Variants in ZNF225 observed in about 807,000 individuals in gnomAD.
ZNF225 encodes zinc finger protein 225.
A neutral mutation model predicts 12.0 loss-of-function variants in ZNF225; 6 were observed. The ratio of observed to expected loss-of-function variants is 0.50; its 90% CI spans 0.27 to 0.98. ZNF225 has a LOEUF of 0.98. Ranked by LOEUF, ZNF225 falls within the 50% of genes least tolerant of loss-of-function variation. The pLI is 0.11. For synonymous variants in ZNF225, 271 were observed against 283.2 expected, an observed-to-expected ratio of 0.96 and a Z score of 0.43; for missense variants, 763 against 848.2, an observed-to-expected ratio of 0.90 and a Z score of 1.25.
At position 44,134,342 on chromosome 19, in the gene ZNF225, G is replaced by T. The variant is rs1480757618; in HGVS notation, c.*1607G>T. 6.6e-6 allele frequency: 1 copy of T among 152,178 alleles called. No individual in the cohort carries two copies. Among genetic ancestry groups the T allele is most frequent in the Non-Finnish European group, 1.5e-5 (1 of 68,028 alleles). The allele number at this position is 152,178 out of a possible 1,614,324, so 9.4% of individuals were successfully genotyped here. A position where few individuals can be genotyped will look rare whatever the true frequency, so the allele number is the denominator to read the frequency against. Reference sequence around the variant, plus strand: ...TACATATCAAGATTCTAGACTCCAAGAAGGGGAGCAAGTGTTCAGAATAAC... The same window carrying T: ...TACATATCAAGATTCTAGACTCCAATAAGGGGAGCAAGTGTTCAGAATAAC... On this transcript the variant is annotated 3_prime_UTR_variant, in exon 5 of 5. Transcript: ENST00000262894.
At chr19:44,128,897 T>A (rs1459836815) in intron 4 of ZNF225, 2 of 424,548 alleles carry the variant, frequency 4.7e-6, no homozygotes, top group Non-Finnish European at 8.0e-6. Flanking sequence ...ATATTTTTTC[T>A]GCTATCTGTT....
At chr19:44,117,999 A>G (rs1454386111) in intron 2 of ZNF225, among the ~76,000 whole-genome samples, 189 bp from the exon 3 acceptor site, 1 of 152,224 alleles carries the variant, frequency 6.6e-6, no homozygotes, top group Non-Finnish European at 1.5e-5. Context: ...AGCCCGGGCA[A>G]CAGAGCAAGA....
At position 44,131,957 on chromosome 19, in the gene ZNF225, G is replaced by A. The variant is rs749771114; in HGVS notation, c.1343G>A (p.Arg448Lys). 4 of 1,613,888 alleles carry A rather than the reference G, an allele frequency of 2.5e-6. No individual in the cohort carries two copies. In the South Asian group the frequency reaches 3.3e-5, roughly 13 times the overall value. The part of the protein sequence containing the change: ...KRRLDLDFHQ[R>K]VHRGEKPYNC... ...AGGTTGGATCTTGACTTTCATCAGAGGGTCCACAGAGGAGAGAAACCCTAT... is the reference window on the plus strand; with the variant it reads ...AGGTTGGATCTTGACTTTCATCAGAAGGTCCACAGAGGAGAGAAACCCTAT... Residue 448 changes from arginine to lysine, a missense_variant, in exon 5 of 5, where the codon AGG (arginine) becomes AAG (lysine). By Grantham distance (26) the Arg-to-Lys change is conservative. Transcript: ENST00000262894.
rs371799405 is a variant in ZNF225, at chr19:44,118,578, A to G, written c.235+4A>G. ...ACCCAAAGAGAAGGGAATTTAGGTAAGAAGCAAGCAACTCTGTGTCCTTGT... is the reference window on the plus strand; with the variant it reads ...ACCCAAAGAGAAGGGAATTTAGGTAGGAAGCAAGCAACTCTGTGTCCTTGT... On this transcript the variant is annotated splice_donor_region_variant and intron_variant, in intron 4 of 4. Transcript: ENST00000262894. 1.2e-6 allele frequency: 2 copies of G among 1,610,568 alleles called. No homozygotes were observed. Among genetic ancestry groups the G allele is most frequent in the African/African-American group, 2.7e-5 (2 of 74,842 alleles).
At chr19:44,111,765 G>C (rs1319063360), upstream of ZNF225, among the ~76,000 whole-genome samples, 1 of 152,228 alleles carries the variant, frequency 6.6e-6, no homozygotes, top group Non-Finnish European at 1.5e-5. Context: ...TGTTTCCCCA[G>C]GAATGGGATT....
At position 44,132,386 on chromosome 19, in the gene ZNF225, G is replaced by T; in HGVS notation, c.1772G>T (p.Gly591Val). ...SSILNHKRLH[G>V]DEKPFKCEEC... ...ATTTTGAATCATAAGAGACTCCATG[G>T]TGATGAAAAGCCATTCAAATGTGAA... The change falls in exon 5 of 5, where the codon GGT (glycine) becomes GTT (valine). Residue 591 changes from glycine (G) to valine (V), a missense_variant. Transcript: ENST00000262894. 1 of 1,614,008 alleles carries T rather than the reference G, an allele frequency of 6.2e-7. No homozygotes were observed. Among genetic ancestry groups the T allele is most frequent in the Non-Finnish European group, 8.5e-7 (1 of 1,179,992 alleles).
At chr19:44,122,809 G>A (rs964286369) in intron 4 of ZNF225, among the ~76,000 whole-genome samples, 44 of 152,040 alleles carry the variant, frequency 2.9e-4, no homozygotes, top group African/African-American at 1.1e-3. Flanking sequence ...GGTTGCTGGT[G>A]GTGTGTAGAA....
At chr19:44,125,643 G>C (rs1433449719) in intron 4 of ZNF225, among the ~76,000 whole-genome samples, 1 of 152,172 alleles carries the variant, frequency 6.6e-6, no homozygotes, top group African/African-American at 2.4e-5. Context: ...CAAGCTTTTA[G>C]AATTCTCTTC....
intron 4 of ZNF225, chr19:44,128,374 A>G (rs1968188935): frequency 6.6e-6 from 1 of 152,220 alleles, no homozygotes; most frequent in South Asian, 2.1e-4. Flanking sequence ...GGTGAACTTT[A>G]TATCCTGGAA....
chr19:44,129,444 T>C (rs922864845), intron 4 of ZNF225: 1 of 168,702 alleles, frequency 5.9e-6, no homozygotes, highest in Non-Finnish European at 1.3e-5. Context: ...TTTATTGTAC[T>C]CTCCCCATGA....
intron 4 of ZNF225, among the ~76,000 whole-genome samples, chr19:44,124,365 T>C (rs1003891740): frequency 2.6e-5 from 4 of 152,230 alleles, no homozygotes; most frequent in African/African-American, 9.6e-5. Flanking sequence ...TATTCCACTG[T>C]GGTCTGAGAG....
At position 44,132,637 on chromosome 19, in the gene ZNF225, A is replaced by C; in HGVS notation, c.2023A>C (p.Ser675Arg). Residue 675 changes from serine (S) to arginine (R), a missense_variant, in exon 5 of 5, where the codon AGT becomes CGT. Coordinates refer to ENST00000262894, the MANE Select transcript of ZNF225 (RefSeq NM_013362.4). ...CCTTAAAGACCAACAAAGAGACCAAAGTGGAGAGAAAACATCTAAATGTGA... is the reference window on the plus strand; with the variant it reads ...CCTTAAAGACCAACAAAGAGACCAACGTGGAGAGAAAACATCTAAATGTGA... ...SCLKDQQRDQ[S>R]GEKTSKCEDC... 6.2e-7 allele frequency: 1 copy of C among 1,613,926 alleles called. No individual in the cohort carries two copies. Among genetic ancestry groups the C allele is most frequent in the Non-Finnish European group, 8.5e-7 (1 of 1,179,950 alleles).
At chr19:44,117,793 C>T (rs1364658750) in intron 2 of ZNF225, among the ~76,000 whole-genome samples, 3 of 152,078 alleles carry the variant, frequency 2.0e-5, no homozygotes, top group Admixed American at 6.6e-5. Context: ...CCGAGGCAGG[C>T]GGATCACCTG....
chr19:44,129,155 A>G (rs1243838652), intron 4 of ZNF225: 2 of 1,182,912 alleles, frequency 1.7e-6, no homozygotes, highest in Non-Finnish European at 2.1e-6. Context: ...ATGTTCTGCA[A>G]AAATTCTTGT....
intron 4 of ZNF225, among the ~76,000 whole-genome samples, chr19:44,118,848 G>T (rs749946412): frequency 3.4e-4 from 50 of 148,410 alleles, no homozygotes; most frequent in Non-Finnish European, 6.2e-4. Flanking sequence ...ATGGAGTCTC[G>T]CTGTGTCGCC....
chr19:44,127,880 G>C (rs1330822560), intron 4 of ZNF225, among the ~76,000 whole-genome samples: 1 of 152,094 alleles, frequency 6.6e-6, no homozygotes, highest in Non-Finnish European at 1.5e-5. Context: ...GACTTCAGGT[G>C]ATCTGCCCAC....
In ZNF225 at chr19:44,118,478, A is replaced by G; in HGVS notation, c.143-4A>G. The stretch of plus-strand genomic sequence containing the variant: ...ACTAAGCACATGACTTTTCACGTTC[A>G]CAGGGCATCAATCACTCCACAGAGA... On this transcript the variant is annotated splice_region_variant and splice_polypyrimidine_tract_variant and intron_variant, in intron 3 of 4. Transcript: ENST00000262894. 1 of 1,613,690 alleles carries G rather than the reference A, an allele frequency of 6.2e-7. No homozygotes were observed. The highest frequency in any genetic ancestry group is 8.5e-7 in the Non-Finnish European group (1 of 1,179,726).
rs758859124 is a variant in ZNF225, at chr19:44,132,293, G to A, written c.1679G>A (p.Arg560Lys). The change falls in exon 5 of 5, where the codon AGG (arginine) becomes AAG (lysine). Residue 560 changes from arginine (R) to lysine (K), a missense_variant. Transcript: ENST00000262894. The part of the protein sequence containing the change: ...NSKFNLDMHQ[R>K]VHTGERPYNC... Reference sequence around the variant, plus strand: ...AAGTTTAATCTTGACATGCACCAGAGGGTCCACACCGGAGAGAGACCTTAT... The same window carrying A: ...AAGTTTAATCTTGACATGCACCAGAAGGTCCACACCGGAGAGAGACCTTAT... 1.9e-6 allele frequency: 3 copies of A among 1,614,034 alleles called. No homozygotes were observed. In the South Asian group the frequency reaches 3.3e-5, roughly 18 times the overall value.
At chr19:44,114,300 T>A (rs1399662115) in intron 1 of ZNF225, 1 of 560,510 alleles carries the variant, frequency 1.8e-6, no homozygotes. Flanking sequence ...TGGGTGTTGC[T>A]TTCAGTTGTC....
Sources: gnomAD v4.1 joint callset for allele counts (sites outside exome capture counted in the v4.1 genomes callset) on GRCh38, gnomAD v4.1.1 for gene constraint, MANE v1.5 for transcripts, NCBI Gene and HGNC (gene_info 2026-07-23, HGNC 2026-07-21) for gene names.